Variants in KALRN observed in about 807,000 individuals in gnomAD.
The protein encoded by KALRN is kalirin.
KALRN carries 70 observed loss-of-function variants against 353.7 expected under a neutral mutation model. The observed-to-expected ratio is 0.20, with a 90% CI of 0.16 to 0.24. KALRN has a LOEUF of 0.24. Among genes scored for constraint, KALRN ranks in the 10% least tolerant of loss-of-function variants. KALRN has a pLI of 1.00. For missense variants in KALRN, 2,791 were observed against 3,756.7 expected (o/e 0.74, Z 6.72); for synonymous variants, 1,391 against 1,434.8 (o/e 0.97, Z 0.69).
chr3:124,491,020 C>T lies in KALRN; in HGVS notation c.4587+136C>T, dbSNP rs550164200. 2.3e-5 allele frequency: 18 copies of T among 774,910 alleles called. No homozygotes were observed. In the African/African-American group the frequency reaches 3.1e-4, roughly 14 times the overall value. 48.0% of individuals were successfully genotyped at this position (774,910 alleles called of 1,614,324 possible). ...CCATCCTGGACAAATGAAAATGTCT[C>T]CTATTTGGAAAGCACCCCACTCACC... On this transcript the variant is annotated intron_variant, in intron 30 of 59. Coordinates refer to ENST00000682506, the MANE Select transcript of KALRN (RefSeq NM_001388419.1).
At chr3:124,120,039 G>A (rs565281039) in intron 1 of KALRN, among the ~76,000 whole-genome samples, 2 of 152,172 alleles carry the variant, frequency 1.3e-5, no homozygotes, top group African/African-American at 4.8e-5. Flanking sequence ...CCCCACAGAG[G>A]TCAGCCCCAG....
At chr3:124,204,210 T>C (rs533586798) in intron 1 of KALRN, among the ~76,000 whole-genome samples, 4 of 152,356 alleles carry the variant, frequency 2.6e-5, no homozygotes, top group Non-Finnish European at 5.9e-5. Context: ...GTTTTGCTCT[T>C]ATGCTTTTAT....
chr3:124,251,355 C>CTTTTTTTTTTTTTTT (rs57628448), intron 3 of KALRN, among the ~76,000 whole-genome samples: 7 of 133,688 alleles, frequency 5.2e-5, no homozygotes, highest in Admixed American at 1.5e-4. Flanking sequence ...CAAGTCTTTG[C>CTTTTTTTTTTTTTTT]TTTTTTTTTT....
intron 1 of KALRN, among the ~76,000 whole-genome samples, chr3:124,084,991 C>A (rs913820837): frequency 6.6e-6 from 1 of 152,190 alleles, no homozygotes; most frequent in African/African-American, 2.4e-5. Context: ...TTCTGATAGA[C>A]GTACCATGTA....
At chr3:124,521,431 A>G (rs979513641) in intron 33 of KALRN, among the ~76,000 whole-genome samples, 1 of 152,186 alleles carries the variant, frequency 6.6e-6, no homozygotes, top group African/African-American at 2.4e-5. Context: ...TGCCCAAGCA[A>G]TTTGCCCAAG....
chr3:124,454,837 G>A (rs2059149294), intron 21 of KALRN, among the ~76,000 whole-genome samples: 2 of 152,224 alleles, frequency 1.3e-5, no homozygotes, highest in Non-Finnish European at 1.5e-5. Flanking sequence ...TCCTGAGGAT[G>A]TGGGTAAGTT....
chr3:124,165,001 A>G (rs1295007102), intron 1 of KALRN, among the ~76,000 whole-genome samples: 2 of 152,230 alleles, frequency 1.3e-5, no homozygotes, highest in African/African-American at 4.8e-5. Context: ...CCTTCTGGCT[A>G]TAAAATCTAT....
At chr3:124,363,341 C>T (rs2084276076) in intron 10 of KALRN, among the ~76,000 whole-genome samples, 1 of 152,114 alleles carries the variant, frequency 6.6e-6, no homozygotes, top group Non-Finnish European at 1.5e-5. Flanking sequence ...GCAACAAGAT[C>T]CAGTGAGAAG....
At chr3:124,678,832 G>A (rs947519983) in intron 50 of KALRN, among the ~76,000 whole-genome samples, 2 of 152,104 alleles carry the variant, frequency 1.3e-5, no homozygotes, top group East Asian at 3.9e-4. Flanking sequence ...CAGTAGGGGG[G>A]CACATTGGTG....
intron 1 of KALRN, among the ~76,000 whole-genome samples, chr3:124,176,697 A>G (rs2072813269): frequency 6.6e-6 from 1 of 152,150 alleles, no homozygotes; most frequent in African/African-American, 2.4e-5. Flanking sequence ...GTTTCTTTTG[A>G]TGCAAAGCAA....
At chr3:124,425,454 C>T (rs1252837533) in intron 15 of KALRN, among the ~76,000 whole-genome samples, 5 of 152,124 alleles carry the variant, frequency 3.3e-5, no homozygotes, top group African/African-American at 1.2e-4. Flanking sequence ...TTCCTGACCT[C>T]AGCAGTACCA....
chr3:124,164,018 A>G (rs1424438763), intron 1 of KALRN: 5 of 977,210 alleles, frequency 5.1e-6, no homozygotes, highest in Non-Finnish European at 6.1e-6. Context: ...GATTTACTGC[A>G]GAACTCACAC....
At chr3:124,716,369 C>G (rs1358278556) in intron 58 of KALRN, among the ~76,000 whole-genome samples, 1 of 152,138 alleles carries the variant, frequency 6.6e-6, no homozygotes, top group Non-Finnish European at 1.5e-5. Flanking sequence ...ACTAACAATA[C>G]AAAAATTAGC....
In KALRN at chr3:124,491,343, C is replaced by T. The variant is rs138111404; in HGVS notation, c.4608C>T (p.Thr1536=). Residue 1536 remains threonine, a synonymous_variant, in exon 31 of 60, where the codon ACC becomes ACT. Coordinates refer to ENST00000682506, the MANE Select transcript of KALRN (RefSeq NM_001388419.1). ...TACAGACCTCAGAGCTGGGTGTGACCGAGCACGTGGAGGGCGATCCCTGCA... is the reference window on the plus strand; with the variant it reads ...TACAGACCTCAGAGCTGGGTGTGACTGAGCACGTGGAGGGCGATCCCTGCA... ...NKLLTSELGV[T]EHVEGDPCKF... The T allele has an allele frequency of 8.0e-5, 128 of 1,607,386 alleles. 1 individual carries two copies. The East Asian group carries it at 1.8e-3, about 22-fold the overall frequency.
In KALRN at chr3:124,719,554, A is replaced by G. The variant is rs1335205124; in HGVS notation, c.*84A>G. ...AATGTGACTGTAAATAATTCTGTTC[A>G]TCATTTCACTCCGTGCAGTTCTCTG... is the stretch of plus-strand genomic sequence containing the variant. On this transcript the variant is annotated 3_prime_UTR_variant, in exon 60 of 60. Coordinates refer to ENST00000682506, the MANE Select transcript of KALRN (RefSeq NM_001388419.1). This position sits in a 1 kb window ranked among gnomAD's most constrained non-coding sequence, Gnocchi z 5.3. The G allele has an allele frequency of 3.1e-6, 4 of 1,278,728 alleles. No individual in the cohort carries two copies. The highest frequency in any genetic ancestry group is 1.5e-5 in the African/African-American group (1 of 67,034). 79.2% of individuals were successfully genotyped at this position (1,278,728 alleles called of 1,614,324 possible). A position where few individuals can be genotyped will look rare whatever the true frequency, so the allele number is the denominator to read the frequency against.
intron 36 of KALRN, 131 bp downstream of exon 36, chr3:124,634,084 C>A: frequency 1.5e-6 from 1 of 685,072 alleles, no homozygotes; most frequent in Non-Finnish European, 2.5e-6. Flanking sequence ...ATGTTGATAC[C>A]AATTGTGTCT....
intron 1 of KALRN, among the ~76,000 whole-genome samples, chr3:124,072,012 G>A (rs1379192526): frequency 6.6e-6 from 1 of 152,200 alleles, no homozygotes; most frequent in African/African-American, 2.4e-5. Flanking sequence ...AGGCTAGGGA[G>A]TCTGAGACTT....
At chr3:124,278,091 T>A (rs1257418010) in intron 5 of KALRN, among the ~76,000 whole-genome samples, 4 of 151,608 alleles carry the variant, frequency 2.6e-5, no homozygotes, top group Admixed American at 2.0e-4. Flanking sequence ...GAGTGTCTAC[T>A]GTGTGACAGG....
At chr3:124,118,666 T>C (rs1433858666) in intron 1 of KALRN, among the ~76,000 whole-genome samples, 1 of 152,206 alleles carries the variant, frequency 6.6e-6, no homozygotes, top group Non-Finnish European at 1.5e-5. Flanking sequence ...GAGGCCTAAA[T>C]AGTCATTGCA....
Sources: gnomAD v4.1 joint callset for allele counts (sites outside exome capture counted in the v4.1 genomes callset) on GRCh38, gnomAD v4.1.1 for gene constraint, Gnocchi (gnomAD v3.1) non-coding constraint, MANE v1.5 for transcripts, NCBI Gene and HGNC (gene_info 2026-07-23, HGNC 2026-07-21) for gene names.